KLHL1: variants seen among roughly 807,000 people sequenced by gnomAD.
KLHL1 encodes the protein kelch-like protein 1.
In KLHL1, 47 loss-of-function variants were observed where a neutral mutation model predicts 77.7. The ratio of observed to expected loss-of-function variants is 0.60; its 90% CI spans 0.48 to 0.77. KLHL1 has a LOEUF of 0.77. Among genes scored for constraint, KLHL1 ranks in the 30% least tolerant of loss-of-function variants. The pLI is 0.00. For synonymous variants in KLHL1, 360 were observed against 325.2 expected (o/e 1.11, Z -1.15); for missense variants, 925 against 910.8 (o/e 1.02, Z -0.20).
At chr13:69,714,508 T>C (rs1876024313) in intron 9 of KLHL1, among the ~76,000 whole-genome samples, 1 of 152,182 alleles carries the variant, frequency 6.6e-6, no homozygotes, top group South Asian at 2.1e-4. Flanking sequence ...AGATTATTTA[T>C]ATAATCACTT....
At chr13:69,894,358 G>T (rs540513929) in intron 4 of KLHL1, 2 of 155,720 alleles carry the variant, frequency 1.3e-5, no homozygotes, top group South Asian at 2.0e-4. Flanking sequence ...TAGTCAATAC[G>T]ATCTGGTCTA....
intron 4 of KLHL1, among the ~76,000 whole-genome samples, chr13:69,888,669 A>C (rs1051499960): frequency 6.6e-6 from 1 of 152,006 alleles, no homozygotes; most frequent in African/African-American, 2.4e-5. Flanking sequence ...AAAAAACATG[A>C]CCCTGTGGAT....
intron 2 of KLHL1, among the ~76,000 whole-genome samples, chr13:69,964,762 C>A (rs1485451036): frequency 6.6e-6 from 1 of 151,862 alleles, no homozygotes; most frequent in Non-Finnish European, 1.5e-5. Flanking sequence ...TTGCTTTATT[C>A]ATTGTTATCT....
chr13:69,745,789 C>T (rs1290443077), intron 7 of KLHL1, among the ~76,000 whole-genome samples: 1 of 151,762 alleles, frequency 6.6e-6, no homozygotes, highest in Non-Finnish European at 1.5e-5. Flanking sequence ...AAATTGTAAA[C>T]ATAAAAATTA....
intron 4 of KLHL1, among the ~76,000 whole-genome samples, chr13:69,891,729 C>T (rs1451058153): frequency 6.6e-6 from 1 of 151,860 alleles, no homozygotes; most frequent in Non-Finnish European, 1.5e-5. Flanking sequence ...AATATTTAAA[C>T]TTTGGAATGT....
intron 4 of KLHL1, among the ~76,000 whole-genome samples, chr13:69,930,884 C>T (rs1450599848): frequency 2.6e-5 from 4 of 151,556 alleles, no homozygotes; most frequent in East Asian, 1.9e-4. Flanking sequence ...TAAATTTATG[C>T]ATATATGCGT....
intron 1 of KLHL1, among the ~76,000 whole-genome samples, chr13:70,105,423 T>C (rs574187431): frequency 6.6e-6 from 1 of 151,752 alleles, no homozygotes; most frequent in Non-Finnish European, 1.5e-5. Context: ...ATGTATTTGG[T>C]ATAAAGTAAA....
At chr13:69,865,560 G>A (rs1005304679) in intron 5 of KLHL1, among the ~76,000 whole-genome samples, 3 of 152,114 alleles carry the variant, frequency 2.0e-5, no homozygotes, top group Non-Finnish European at 4.4e-5. Flanking sequence ...CATGAATACA[G>A]GTGGGAAAAG....
At chr13:70,010,062 G>T (rs1385756152) in intron 1 of KLHL1, among the ~76,000 whole-genome samples, 2 of 152,068 alleles carry the variant, frequency 1.3e-5, no homozygotes, top group African/African-American at 4.8e-5. Flanking sequence ...AGAATTCTTG[G>T]TAGTTTCAAA....
intron 5 of KLHL1, among the ~76,000 whole-genome samples, chr13:69,852,923 G>T (rs1418421453): frequency 1.3e-5 from 2 of 151,880 alleles, no homozygotes; most frequent in Non-Finnish European, 2.9e-5. Flanking sequence ...AATTTAGAAT[G>T]TGTCAAACCC....
chr13:69,922,170 C>T (rs188744749), intron 4 of KLHL1, among the ~76,000 whole-genome samples: 2 of 152,156 alleles, frequency 1.3e-5, no homozygotes, highest in African/African-American at 2.4e-5. Flanking sequence ...TGGTCTCTAA[C>T]TCCTGGTCTC....
At chr13:69,919,990 G>C (rs1882581209) in intron 4 of KLHL1, among the ~76,000 whole-genome samples, 1 of 151,988 alleles carries the variant, frequency 6.6e-6, no homozygotes, top group African/African-American at 2.4e-5. Flanking sequence ...CTTGTATCAT[G>C]ATGTAAATTA....
At chr13:69,950,846 T>C (rs1303136106) in intron 3 of KLHL1, among the ~76,000 whole-genome samples, 1 of 151,638 alleles carries the variant, frequency 6.6e-6, no homozygotes, top group African/African-American at 2.4e-5. Context: ...CTTGTGCTCC[T>C]GGACAAAATA....
intron 4 of KLHL1, among the ~76,000 whole-genome samples, chr13:69,920,984 C>A (rs1018966611): frequency 2.6e-5 from 4 of 152,058 alleles, no homozygotes; most frequent in African/African-American, 9.7e-5. Flanking sequence ...AACAATTAAC[C>A]AACTTATGTT....
intron 1 of KLHL1, among the ~76,000 whole-genome samples, chr13:70,016,282 A>G (rs1463520502): frequency 6.6e-6 from 1 of 152,238 alleles, no homozygotes; most frequent in African/African-American, 2.4e-5. Context: ...GGCCTGGGCC[A>G]GGAACAAGCA....
At chr13:69,962,638 T>G (rs1479778710) in intron 2 of KLHL1, among the ~76,000 whole-genome samples, 2 of 152,088 alleles carry the variant, frequency 1.3e-5, no homozygotes, top group Non-Finnish European at 2.9e-5. Context: ...ACAATTTTTA[T>G]ATTTGTGTAT....
chr13:69,915,672 C>T (rs1290166136), intron 4 of KLHL1, among the ~76,000 whole-genome samples: 3 of 152,040 alleles, frequency 2.0e-5, no homozygotes, highest in Non-Finnish European at 4.4e-5. Flanking sequence ...CCATTCAGGA[C>T]ATAGGCATGG....
At chr13:69,791,774 G>A (rs1876885666) in intron 7 of KLHL1, among the ~76,000 whole-genome samples, 1 of 152,054 alleles carries the variant, frequency 6.6e-6, no homozygotes, top group Non-Finnish European at 1.5e-5. Context: ...ATAACTCAAA[G>A]CACGGATCAT....
intron 5 of KLHL1, among the ~76,000 whole-genome samples, chr13:69,869,177 G>A (rs1880485751): frequency 6.6e-6 from 1 of 152,068 alleles, no homozygotes; most frequent in Admixed American, 6.6e-5. Flanking sequence ...TTCTACCTGA[G>A]GAAGTTAAGT....
Sources: allele counts gnomAD v4.1 joint callset (sites outside exome capture counted in the v4.1 genomes callset), GRCh38; gene constraint gnomAD v4.1.1; transcripts MANE v1.5; gene names NCBI Gene and HGNC (gene_info 2026-07-23, HGNC 2026-07-21).